Variants in KCTD16 observed in about 807,000 individuals in gnomAD.
KCTD16 encodes the protein BTB/POZ domain-containing protein KCTD16.
Under a neutral mutation model 33.2 loss-of-function variants are expected in KCTD16, and 13 were observed. That is an observed-to-expected ratio of 0.39 (90% CI 0.25 to 0.62). The LOEUF is 0.62. Ranked by LOEUF, KCTD16 falls within the 20% of genes least tolerant of loss-of-function variation. KCTD16 has a pLI of 0.50. For missense variants in KCTD16, 441 were observed against 525.1 expected, an observed-to-expected ratio of 0.84 and a Z score of 1.57; for synonymous variants, 197 against 195.3, an observed-to-expected ratio of 1.01 and a Z score of -0.07.
At position 144,377,154 on chromosome 5, in the gene KCTD16, T is replaced by C. The variant is rs74490429; in HGVS notation, c.833-96506T>C. Among the ~76,000 whole-genome samples, 1,432 of 152,310 alleles carry C rather than the reference T, an allele frequency of 9.4e-3. 17 individuals carry two copies. The highest frequency in any genetic ancestry group is 0.032 in the African/African-American group (1,323 of 41,564). On this transcript the variant is annotated intron_variant, in intron 3 of 3. Transcript: ENST00000512467. ...TGCTGGCCATCCTTCATGGAGCCCT[T>C]CTCTGTTCAAGGAGAAACATCCCCT...
At chr5:144,280,867 C>T (rs947385678) in intron 3 of KCTD16, among the ~76,000 whole-genome samples, 5 of 148,230 alleles carry the variant, frequency 3.4e-5, no homozygotes, top group Non-Finnish European at 5.9e-5. Context: ...GCGGAGGTTA[C>T]AGTGAAACCC....
intron 3 of KCTD16, among the ~76,000 whole-genome samples, chr5:144,454,862 T>G (rs61373825): frequency 0.051 from 7,733 of 152,212 alleles, 668 homozygotes; most frequent in African/African-American, 0.18. Context: ...GATAGAAATA[T>G]AATGGCCAAA....
intron 3 of KCTD16, among the ~76,000 whole-genome samples, chr5:144,243,936 G>A (rs1754477203): frequency 6.6e-6 from 1 of 151,958 alleles, no homozygotes; most frequent in Admixed American, 6.6e-5. Context: ...GTAGAGACGG[G>A]GTTTCACCAT....
chr5:144,184,739 G>T (rs895772213), intron 2 of KCTD16, among the ~76,000 whole-genome samples: 1 of 152,038 alleles, frequency 6.6e-6, no homozygotes, highest in African/African-American at 2.4e-5. Flanking sequence ...TCTTATTATG[G>T]TTTTTATTTG....
chr5:144,254,303 A>ATT (rs552314516), intron 3 of KCTD16, among the ~76,000 whole-genome samples: 11 of 134,934 alleles, frequency 8.2e-5, no homozygotes, highest in African/African-American at 2.1e-4. Context: ...AGCCCAGCTA[A>ATT]TTTTTTTTTT....
intron 3 of KCTD16, among the ~76,000 whole-genome samples, chr5:144,242,685 G>C (rs1232762245): frequency 6.6e-6 from 1 of 152,146 alleles, no homozygotes; most frequent in East Asian, 1.9e-4. Flanking sequence ...GAGGGCTTCA[G>C]GCTGCCTCTA....
chr5:144,373,139 C>T (rs1202310099), intron 3 of KCTD16, among the ~76,000 whole-genome samples: 1 of 152,032 alleles, frequency 6.6e-6, no homozygotes, highest in African/African-American at 2.4e-5. Flanking sequence ...GATGGTGGTG[C>T]CACCAACCGA....
chr5:144,387,491 G>C (rs978639571), intron 3 of KCTD16, among the ~76,000 whole-genome samples: 1 of 151,956 alleles, frequency 6.6e-6, no homozygotes, highest in East Asian at 1.9e-4. Flanking sequence ...AATACCCAAG[G>C]GTAATAATTT....
At position 144,482,186 on chromosome 5, in the gene KCTD16, C is replaced by G. The variant is rs1754716876; in HGVS notation, c.*8072C>G. ...CTCCTATGCTAAACAAGGTGAGATC[C>G]CAGCCTGACATCCTTCCTAAAAGTC... On this transcript the variant is annotated 3_prime_UTR_variant, in exon 4 of 4. Transcript: ENST00000512467. The G allele has an allele frequency of 6.6e-6, 1 of 151,886 alleles. No individual in the cohort carries two copies. Among genetic ancestry groups the G allele is most frequent in the Non-Finnish European group, 1.5e-5 (1 of 67,924 alleles). 9.4% of individuals were successfully genotyped at this position (151,886 alleles called of 1,614,324 possible).
intron 2 of KCTD16, among the ~76,000 whole-genome samples, chr5:144,200,310 G>C (rs886143492): frequency 4.6e-5 from 7 of 152,162 alleles, no homozygotes; most frequent in Non-Finnish European, 7.4e-5. Context: ...TTTTCAGGGA[G>C]AAACTGTGAG....
chr5:144,465,786 GTT>G (rs1167925399), intron 3 of KCTD16, among the ~76,000 whole-genome samples: 5 of 131,802 alleles, frequency 3.8e-5, no homozygotes, highest in Non-Finnish European at 4.7e-5. Flanking sequence ...TAACTTTTTT[GTT>G]TTTTTTTTTT....
chr5:144,334,208 AT>A (rs1423839865), intron 3 of KCTD16, among the ~76,000 whole-genome samples: 1 of 152,184 alleles, frequency 6.6e-6, no homozygotes, highest in African/African-American at 2.4e-5. Flanking sequence ...CAGAGTTGAC[AT>A]GATAGAATCA....
chr5:144,222,013 A>G (rs1467520383), intron 3 of KCTD16, among the ~76,000 whole-genome samples: 3 of 152,154 alleles, frequency 2.0e-5, no homozygotes, highest in Non-Finnish European at 4.4e-5. Context: ...TTCTCTAATG[A>G]CCAGTGATGA....
chr5:144,299,096 GTATATATATATATATATATATATATA>G (rs1175664862), intron 3 of KCTD16, among the ~76,000 whole-genome samples: 3 of 10,768 alleles, frequency 2.8e-4, no homozygotes, highest in South Asian at 4.3e-3. Flanking sequence ...ATATCACTAT[GTATATATATATATATATATATATATA>G]TATATATATA....
chr5:144,461,913 G>A (rs1024400384), intron 3 of KCTD16, among the ~76,000 whole-genome samples: 3 of 152,096 alleles, frequency 2.0e-5, no homozygotes, highest in Non-Finnish European at 4.4e-5. Context: ...GCCAGATGCT[G>A]CTTCCTCCAG....
At chr5:144,444,298 C>T (rs1031127803) in intron 3 of KCTD16, among the ~76,000 whole-genome samples, 2 of 150,016 alleles carry the variant, frequency 1.3e-5, no homozygotes, top group Non-Finnish European at 3.0e-5. Flanking sequence ...TTAAGCTCTT[C>T]TATATTACAG....
At chr5:144,462,410 T>G (rs1289176061) in intron 3 of KCTD16, among the ~76,000 whole-genome samples, 1 of 152,074 alleles carries the variant, frequency 6.6e-6, no homozygotes, top group African/African-American at 2.4e-5. Context: ...AACTAAAAAT[T>G]TTACCGTCTC....
chr5:144,226,784 G>T (rs1753945446), intron 3 of KCTD16, among the ~76,000 whole-genome samples: 2 of 152,036 alleles, frequency 1.3e-5, no homozygotes, highest in African/African-American at 4.8e-5. Context: ...TGTTGGTCAG[G>T]CTGGTCTCAA....
In KCTD16 at chr5:144,430,692, T is replaced by C. The variant is rs373089958; in HGVS notation, c.833-42968T>C. Among the ~76,000 whole-genome samples the C allele has an allele frequency of 2.1e-3, 316 of 152,210 alleles. 1 individual carries two copies. Among genetic ancestry groups the C allele is most frequent in the Non-Finnish European group, 3.5e-3 (235 of 67,998 alleles). Reference sequence around the variant, plus strand: ...ATGTTAAGCCATCATCTGTCGTTAGTGCTTTAGTGGGAATTAGTTTGCCAG... The same window carrying C: ...ATGTTAAGCCATCATCTGTCGTTAGCGCTTTAGTGGGAATTAGTTTGCCAG... On this transcript the variant is annotated intron_variant, in intron 3 of 3. Transcript: ENST00000512467.
Sources: allele counts gnomAD v4.1 joint callset (sites outside exome capture counted in the v4.1 genomes callset), GRCh38; gene constraint gnomAD v4.1.1; transcripts MANE v1.5; gene names NCBI Gene and HGNC (gene_info 2026-07-23, HGNC 2026-07-21).